PACSIN1: variants seen among roughly 807,000 people sequenced by gnomAD.
PACSIN1 encodes the protein protein kinase C and casein kinase substrate in neurons protein 1.
PACSIN1 carries 15 observed loss-of-function variants against 59.5 expected under a neutral mutation model. The observed-to-expected ratio is 0.25, with a 90% CI of 0.17 to 0.39. The LOEUF (loss-of-function observed/expected upper bound fraction) is 0.39, where lower values mean the gene tolerates loss of function less well. Ranked by LOEUF, PACSIN1 falls within the 10% of genes least tolerant of loss-of-function variation. The pLI is 1.00. For synonymous variants in PACSIN1, 210 were observed against 220.6 expected (o/e 0.95, Z 0.42); for missense variants, 420 against 580.2 (o/e 0.72, Z 2.84).
rs1396764163 is a variant in PACSIN1 at position 34,487,962 on chromosome 6, A to G, written c.-64+21692A>G. Among the ~76,000 whole-genome samples, 8 of 152,288 alleles carry G rather than the reference A, an allele frequency of 5.3e-5. 1 individual carries two copies. The highest frequency in any genetic ancestry group is 7.4e-5 in the Non-Finnish European group (5 of 68,022). On this transcript the variant is annotated intron_variant, in intron 1 of 9. Transcript: ENST00000244458. ...CATCCCACCTGGGAACAGCTTCTTC[A>G]GGGTCCTGGTTGGTCTCTTTTCCTG... is the stretch of plus-strand genomic sequence containing the variant.
In PACSIN1 at chr6:34,521,749, C is replaced by G. The variant is rs1767396281; in HGVS notation, c.-63-4494C>G. 6.6e-6 allele frequency among the ~76,000 whole-genome samples: 1 copy of G among 152,146 alleles called. No homozygotes were observed. The highest frequency in any genetic ancestry group is 2.4e-5 in the African/African-American group (1 of 41,426). On this transcript the variant is annotated intron_variant, in intron 1 of 9. Coordinates refer to ENST00000244458, the MANE Select transcript of PACSIN1 (RefSeq NM_020804.5). This position sits in a 1 kb window ranked among gnomAD's most constrained non-coding sequence, Gnocchi z 4.3. ...GTGGATGGATAGTAAGCGCCGACAC[C>G]TGTGGAGAGCTCGCCGTGTGTCAGG...
At chr6:34,512,438 CG>C (rs1767219022) in intron 1 of PACSIN1, among the ~76,000 whole-genome samples, 2 of 152,116 alleles carry the variant, frequency 1.3e-5, no homozygotes, top group South Asian at 2.1e-4. Context: ...GGCTGGGGGC[CG>C]GCAGGTGGGC....
Position 34,531,651 on chromosome 6 carries a change from C to T in PACSIN1, c.1089C>T (p.Asp363=). 6.2e-7 allele frequency: 1 copy of T among 1,613,980 alleles called. No homozygotes were observed. Among genetic ancestry groups the T allele is most frequent in the Non-Finnish European group, 8.5e-7 (1 of 1,180,012 alleles). ...CCTACGCCACCGAGTGGTCAGACGA[C>T]GAGAGTGGGAACCCCTTTGGGGGCA... ...GQPYATEWSD[D]ESGNPFGGSE... The change falls in exon 9 of 10, where the codon GAC becomes GAT. Residue 363 remains aspartate, a synonymous_variant. Transcript: ENST00000244458. The surrounding 1 kb of genome is among the most constrained non-coding windows in gnomAD (Gnocchi z 4.4).
rs909370506 is a variant in PACSIN1, at chr6:34,503,480, A to G, written c.-63-22763A>G. ...GAGTATCGTCAGCACCGTTAGCCACACTGGAGCATGCATTGAACACTGCTG... is the reference window on the plus strand; with the variant it reads ...GAGTATCGTCAGCACCGTTAGCCACGCTGGAGCATGCATTGAACACTGCTG... On this transcript the variant is annotated intron_variant, in intron 1 of 9. Coordinates refer to ENST00000244458, the MANE Select transcript of PACSIN1 (RefSeq NM_020804.5). Among the ~76,000 whole-genome samples the G allele has an allele frequency of 6.6e-5, 10 of 152,254 alleles. No homozygotes were observed. In the South Asian group the frequency reaches 2.1e-3, roughly 32 times the overall value.
In PACSIN1 at chr6:34,515,355, C is replaced by T. The variant is rs1767273627; in HGVS notation, c.-63-10888C>T. Reference sequence around the variant, plus strand: ...AGGTCCTGACTTTGTAGCCATGCCCCCTCCTTGGGGCAGCAGGCCGAGGGA... The same window carrying T: ...AGGTCCTGACTTTGTAGCCATGCCCTCTCCTTGGGGCAGCAGGCCGAGGGA... On this transcript the variant is annotated intron_variant, in intron 1 of 9. Transcript: ENST00000244458. The surrounding 1 kb of genome is among the most constrained non-coding windows in gnomAD (Gnocchi z 4.4). Among the ~76,000 whole-genome samples the T allele has an allele frequency of 6.6e-6, 1 of 152,186 alleles. No homozygotes were observed. Among genetic ancestry groups the T allele is most frequent in the Non-Finnish European group, 1.5e-5 (1 of 68,004 alleles).
chr6:34,467,574 T>TG (rs1766514362), intron 1 of PACSIN1, among the ~76,000 whole-genome samples: 1 of 149,690 alleles, frequency 6.7e-6, no homozygotes, highest in African/African-American at 2.5e-5. Context: ...TTTTTTTTTT[T>TG]TGAGAGAGAG....
rs1561970123 is a variant in PACSIN1 at position 34,526,277 on chromosome 6, GCA to G, written c.-27_-26del. 1.2e-6 allele frequency: 2 copies of G among 1,604,496 alleles called. No individual in the cohort carries two copies. Among genetic ancestry groups the G allele is most frequent in the East Asian group, 2.2e-5 (1 of 44,808 alleles). Reference sequence around the variant, plus strand: ...AGCCGAGCCTGCTAACCGCAGCTCCGCACTTGTCCATCCCCCTGCGGCTACAC... The same window carrying G: ...AGCCGAGCCTGCTAACCGCAGCTCCGCTTGTCCATCCCCCTGCGGCTACAC... On this transcript the variant is annotated 5_prime_UTR_variant, in exon 2 of 10. Transcript: ENST00000244458.
rs1767257440 is a variant in PACSIN1, at chr6:34,514,637, GCCTGTGTCCCCA to G, written c.-63-11603_-63-11592del. On this transcript the variant is annotated intron_variant, in intron 1 of 9. Coordinates refer to ENST00000244458, the MANE Select transcript of PACSIN1 (RefSeq NM_020804.5). This position sits in a 1 kb window ranked among gnomAD's most constrained non-coding sequence, Gnocchi z 4.4. ...CTTCCCAGTCGAGGGCGGCGGCCGA[GCCTGTGTCCCCA>G]CCAGCGTCTCTGTGGCCGTGAAGTG... Among the ~76,000 whole-genome samples the G allele has an allele frequency of 6.6e-6, 1 of 152,144 alleles. No homozygotes were observed. Among genetic ancestry groups the G allele is most frequent in the Admixed American group, 6.5e-5 (1 of 15,272 alleles).
chr6:34,518,494 G>A lies in PACSIN1; in HGVS notation c.-63-7749G>A, dbSNP rs1049893938. On this transcript the variant is annotated intron_variant, in intron 1 of 9. Transcript: ENST00000244458. This position sits in a 1 kb window ranked among gnomAD's most constrained non-coding sequence, Gnocchi z 4.4. ...GTGGGCATCTCACTTTGGGCTCCCC[G>A]AGAAGCCAACCCCAAGACAAGGATA... Among the ~76,000 whole-genome samples the A allele has an allele frequency of 1.3e-4, 20 of 152,296 alleles. No homozygotes were observed. Among genetic ancestry groups the A allele is most frequent in the Admixed American group, 3.3e-4 (5 of 15,308 alleles).
intron 1 of PACSIN1, among the ~76,000 whole-genome samples, chr6:34,501,311 G>T: frequency 6.6e-6 from 1 of 152,210 alleles, no homozygotes; most frequent in East Asian, 1.9e-4. Flanking sequence ...CAAGACAGGG[G>T]ATTCCTTGGG....
At position 34,530,245 on chromosome 6, in the gene PACSIN1, A is replaced by T. The variant is rs1417213033; in HGVS notation, c.791A>T (p.Tyr264Phe). The change falls in exon 7 of 10, where the codon TAC (tyrosine) becomes TTC (phenylalanine). Residue 264 changes from tyrosine to phenylalanine, a missense_variant and splice_region_variant. By Grantham distance (22) the Tyr-to-Phe change is conservative. Transcript: ENST00000244458. The surrounding 1 kb of genome is among the most constrained non-coding windows in gnomAD (Gnocchi z 4.4). ...CTCCCCCATCTCCCTGAGCACAGCTACATCCATGTGTACCGTGAGCTGGAG... is the reference window on the plus strand; with the variant it reads ...CTCCCCCATCTCCCTGAGCACAGCTTCATCCATGTGTACCGTGAGCTGGAG... ...RHLNLAENSS[Y>F]IHVYRELEQA... 3 of 1,612,664 alleles carry T rather than the reference A, an allele frequency of 1.9e-6. No individual in the cohort carries two copies. In the African/African-American group the frequency reaches 4.0e-5, roughly 22 times the overall value.
chr6:34,476,237 C>T (rs1411592905), intron 1 of PACSIN1, among the ~76,000 whole-genome samples: 2 of 152,200 alleles, frequency 1.3e-5, no homozygotes, highest in African/African-American at 2.4e-5. Flanking sequence ...TATGTGCTAG[C>T]ACTGTGCCAG....
intron 1 of PACSIN1, among the ~76,000 whole-genome samples, chr6:34,498,219 G>A (rs569046398): frequency 5.9e-5 from 9 of 151,966 alleles, no homozygotes; most frequent in Admixed American, 4.6e-4. Context: ...GCGCCGCCAC[G>A]CCTGGCTAAT....
rs1225924451 is a variant in PACSIN1, at chr6:34,515,530, C to T, written c.-63-10713C>T. On this transcript the variant is annotated intron_variant, in intron 1 of 9. Transcript: ENST00000244458. This position sits in a 1 kb window ranked among gnomAD's most constrained non-coding sequence, Gnocchi z 4.4. ...GACTCTCCTCCCACCCCCGATGACA[C>T]CAGAGCCTCCCTGCTGGCCCTGGAT... is the stretch of plus-strand genomic sequence containing the variant. Among the ~76,000 whole-genome samples the T allele has an allele frequency of 8.5e-5, 13 of 152,186 alleles. No homozygotes were observed. Among genetic ancestry groups the T allele is most frequent in the Admixed American group, 8.5e-4 (13 of 15,286 alleles).
At chr6:34,527,696 A>C (rs753032502) in intron 3 of PACSIN1, 4 of 400,912 alleles carry the variant, frequency 1.0e-5, no homozygotes, top group African/African-American at 2.1e-5. Context: ...AAAAAAAAAA[A>C]ACACTTTTTA....
chr6:34,492,757 A>G (rs1260994609), intron 1 of PACSIN1, among the ~76,000 whole-genome samples: 1 of 152,242 alleles, frequency 6.6e-6, no homozygotes, highest in African/African-American at 2.4e-5. Flanking sequence ...AGTGGGAGCT[A>G]AACATTGAGC....
intron 1 of PACSIN1, among the ~76,000 whole-genome samples, chr6:34,492,234 C>T (rs1167953211): frequency 7.8e-6 from 1 of 127,794 alleles, no homozygotes; most frequent in African/African-American, 2.9e-5. Context: ...CAAAATCTCA[C>T]TCTGTTGCCC....
At chr6:34,475,274 C>T (rs748742952) in intron 1 of PACSIN1, among the ~76,000 whole-genome samples, 1 of 151,800 alleles carries the variant, frequency 6.6e-6, no homozygotes, top group Non-Finnish European at 1.5e-5. Flanking sequence ...TCTCACATTG[C>T]TAGCTCCTCT....
intron 1 of PACSIN1, among the ~76,000 whole-genome samples, chr6:34,492,021 T>A (rs1766884732): frequency 6.6e-6 from 1 of 152,146 alleles, no homozygotes; most frequent in Non-Finnish European, 1.5e-5. Flanking sequence ...TGTGTTTTTC[T>A]CCGGGTATAT....
Sources: allele counts gnomAD v4.1 joint callset (sites outside exome capture counted in the v4.1 genomes callset), GRCh38; gene constraint gnomAD v4.1.1; non-coding constraint Gnocchi (gnomAD v3.1); transcripts MANE v1.5; gene names NCBI Gene and HGNC (gene_info 2026-07-23, HGNC 2026-07-21).